The following YJU2 variants were observed in gnomAD, a reference collection of about 807,000 sequenced individuals.
YJU2 encodes splicing factor YJU2.
In YJU2, 28 loss-of-function variants were observed where a neutral mutation model predicts 39.6. That is an observed-to-expected ratio of 0.71 (90% CI 0.52 to 0.97). The LOEUF is 0.97. YJU2 is among the 50% of genes least tolerant of loss of function. The pLI is 0.00. For missense variants in YJU2, 328 were observed against 430.4 expected (o/e 0.76, Z 2.11); for synonymous variants, 184 against 182.4 (o/e 1.01, Z -0.07).
rs1568362363 is a variant in YJU2, at chr19:4,258,254, CG to C, written c.420del (p.Thr141ProfsTer17). 1 of 1,553,132 alleles carries C rather than the reference CG, an allele frequency of 6.4e-7. No individual in the cohort carries two copies. Among genetic ancestry groups the C allele is most frequent in the Non-Finnish European group, 8.7e-7 (1 of 1,147,848 alleles). ...CCGCGCCCGCCAGGTGCTGGAGAAC[CG>C]GACCAAGGACTCCAAGCTGGAGATG... ...LNNPMKVLEN[R>X]TKDSKLEMEV... On this transcript the variant is annotated frameshift_variant, in exon 5 of 8. Transcript: ENST00000262962. LOFTEE classifies it high-confidence loss of function.
At chr19:4,254,312 G>A (rs543434247) in intron 3 of YJU2, 43 bp from the exon 4 acceptor site, 28 of 1,457,838 alleles carry the variant, frequency 1.9e-5, no homozygotes, top group East Asian at 1.6e-4. Flanking sequence ...AGATTCTAGT[G>A]CCTGGGGATG....
At chr19:4,262,463 G>A (rs1373010684) in intron 6 of YJU2, among the ~76,000 whole-genome samples, 1 of 152,044 alleles carries the variant, frequency 6.6e-6, no homozygotes, top group East Asian at 2.0e-4. Context: ...CTCCCAAAGT[G>A]CTGGGATTAC....
rs1568359439 is a variant in YJU2 at position 4,247,574 on chromosome 19, GGGTGGCGC to G, written c.24+406_24+413del. Among the ~76,000 whole-genome samples the G allele has an allele frequency of 4.5e-4, 37 of 81,632 alleles. 4 individuals are homozygous for G. Among genetic ancestry groups the G allele is most frequent in the African/African-American group, 3.9e-3 (33 of 8,438 alleles). 53.6% of individuals were successfully genotyped at this position (81,632 alleles called of 152,430 possible). A position where few individuals can be genotyped will look rare whatever the true frequency, so the allele number is the denominator to read the frequency against. ...CGTGTACTTTGGGTGGGGTGGGGTGGGGTGGCGCGTGTGTGTGTGTGTGTGTGTGTGTG... is the reference window on the plus strand; with the variant it reads ...CGTGTACTTTGGGTGGGGTGGGGTGGGTGTGTGTGTGTGTGTGTGTGTGTG... On this transcript the variant is annotated intron_variant, in intron 1 of 7. Transcript: ENST00000262962.
At chr19:4,251,451 G>A (rs891924251) in intron 3 of YJU2, among the ~76,000 whole-genome samples, 4 of 152,112 alleles carry the variant, frequency 2.6e-5, no homozygotes, top group Admixed American at 6.6e-5. Context: ...CACTTTGGGC[G>A]GCCAAGGCGG....
chr19:4,268,952 G>A lies in YJU2; in HGVS notation c.*256G>A. 2 of 504,710 alleles carry A rather than the reference G, an allele frequency of 4.0e-6. No individual in the cohort carries two copies. The highest frequency in any genetic ancestry group is 5.4e-4 in the Middle Eastern group (1 of 1,868). 31.3% of individuals were successfully genotyped at this position (504,710 alleles called of 1,614,324 possible). ...CCCACCTGTCACTGTGCTTAGGGCT[G>A]CAACATCCCTGGAGCAGCTTCCAAC... On this transcript the variant is annotated 3_prime_UTR_variant, in exon 8 of 8. Coordinates refer to ENST00000262962, the MANE Select transcript of YJU2 (RefSeq NM_018074.6).
Position 4,267,626 on chromosome 19 carries a change from C to A in YJU2, c.711C>A (p.Ala237=), listed in dbSNP as rs928350656. 2 of 1,612,138 alleles carry A rather than the reference C, an allele frequency of 1.2e-6. No individual in the cohort carries two copies. The highest frequency in any genetic ancestry group is 1.7e-6 in the Non-Finnish European group (2 of 1,179,458). The stretch of plus-strand genomic sequence containing the variant: ...ACATGTGTCCCCATCACCTGCAGGC[C>A]CCAAAGCCCAAGAGGAAGGTGGAGG... The part of the protein sequence containing the change: ...RPNPTAILDE[A]PKPKRKVEVW... Residue 237 remains alanine, a splice_region_variant and synonymous_variant, in exon 7 of 8, where the codon GCC becomes GCA. Coordinates refer to ENST00000262962, the MANE Select transcript of YJU2 (RefSeq NM_018074.6).
rs774051637 is a variant in YJU2 at position 4,267,753 on chromosome 19, C to A, written c.838C>A (p.Pro280Thr). ...KADPDCSNGQPQAAPTPGAPQ... is the reference protein window; with the variant it reads ...KADPDCSNGQTQAAPTPGAPQ... ...CGACCCGGACTGCAGCAACGGGCAGCCTCAGGCGGCCCCCACCCCAGGTAA... is the reference window on the plus strand; with the variant it reads ...CGACCCGGACTGCAGCAACGGGCAGACTCAGGCGGCCCCCACCCCAGGTAA... The change falls in exon 7 of 8, where the codon CCT becomes ACT. Residue 280 changes from proline (P) to threonine (T), a missense_variant. Physicochemically the swap from Pro to Thr is conservative, Grantham distance 38. Around this residue, in one of 2 missense-constraint regions of YJU2, gnomAD observed 244 missense variants for 264.6 expected, o/e 0.92. Transcript: ENST00000262962. The A allele has an allele frequency of 1.2e-6, 2 of 1,612,450 alleles. No homozygotes were observed. Among genetic ancestry groups the A allele is most frequent in the Non-Finnish European group, 1.7e-6 (2 of 1,179,596 alleles).
At chr19:4,258,446 C>G (rs1305170114) in intron 5 of YJU2, 23 bp downstream of exon 5, 4 of 1,561,840 alleles carry the variant, frequency 2.6e-6, no homozygotes, top group Non-Finnish European at 3.5e-6. Context: ...CGGCCCAACC[C>G]AGCCCCACCT....
At chr19:4,250,959 G>T (rs556766303) in intron 2 of YJU2, 68 bp from the exon 3 acceptor site, 2 of 1,558,034 alleles carry the variant, frequency 1.3e-6, no homozygotes, top group South Asian at 1.1e-5. Flanking sequence ...GCAGGATGCC[G>T]CAGGGACAGC....
Position 4,252,509 on chromosome 19 carries a change from CAA to C in YJU2, c.270+1339_270+1340del, listed in dbSNP as rs927509001. ...GTCCCAGCTACTCGGGAGGCTGAGA[CAA>C]GAGAATGGCGTGAACCCAGGAGGCG... On this transcript the variant is annotated intron_variant, in intron 3 of 7. Transcript: ENST00000262962. Among the ~76,000 whole-genome samples, 22 of 152,114 alleles carry C rather than the reference CAA, an allele frequency of 1.4e-4. 1 individual carries two copies. The highest frequency in any genetic ancestry group is 4.1e-4 in the African/African-American group (17 of 41,508).
Position 4,258,383 on chromosome 19 carries a change from C to A in YJU2, c.547C>A (p.Arg183=). 1 of 1,597,202 alleles carries A rather than the reference C, an allele frequency of 6.3e-7. No homozygotes were observed. The highest frequency in any genetic ancestry group is 1.8e-5 in the Admixed American group (1 of 57,004). Residue 183 remains arginine, a synonymous_variant, in exon 5 of 8, where the codon CGG becomes AGG. Transcript: ENST00000262962. ...GCAGCACCGCCTGTCGGAGGAGGAG[C>A]GGCGGAGGCAGCAGCAGGAGGAGGA... The part of the protein sequence containing the change: ...LRQHRLSEEE[R]RRQQQEEDEQ...
intron 5 of YJU2, among the ~76,000 whole-genome samples, chr19:4,260,262 A>G (rs1241964748): frequency 1.3e-5 from 2 of 151,766 alleles, no homozygotes; most frequent in South Asian, 2.1e-4. Context: ...CATCTGTACT[A>G]AAAATACAAA....
chr19:4,254,823 C>T (rs10408819), intron 4 of YJU2, among the ~76,000 whole-genome samples: 3,118 of 151,760 alleles, frequency 0.021, 71 homozygotes, highest in African/African-American at 0.053. Flanking sequence ...TTTTGGAGGC[C>T]GAAGTGGGTG....
Position 4,258,236 on chromosome 19 carries a change from C to T in YJU2, c.406-6C>T, listed in dbSNP as rs145422361. 2.1e-4 allele frequency: 319 copies of T among 1,551,178 alleles called. No homozygotes were observed. Among genetic ancestry groups the T allele is most frequent in the Admixed American group, 3.9e-4 (20 of 50,982 alleles). ...GCACTCAGCCCCGCCGCCCCGCGCCCGCCAGGTGCTGGAGAACCGGACCAA... is the reference window on the plus strand; with the variant it reads ...GCACTCAGCCCCGCCGCCCCGCGCCTGCCAGGTGCTGGAGAACCGGACCAA... On this transcript the variant is annotated splice_region_variant and splice_polypyrimidine_tract_variant and intron_variant, in intron 4 of 7. Transcript: ENST00000262962.
chr19:4,256,464 C>G (rs969858716), intron 4 of YJU2, among the ~76,000 whole-genome samples: 1 of 152,016 alleles, frequency 6.6e-6, no homozygotes, highest in Non-Finnish European at 1.5e-5. Context: ...CTGGGCCTGT[C>G]GCACTGCTGT....
At position 4,247,639 on chromosome 19, in the gene YJU2, GTGTGTGTGTGTGTGTGTGTGT is replaced by G. The variant is rs1568359639; in HGVS notation, c.24+470_24+490del. Among the ~76,000 whole-genome samples, 206 of 66,694 alleles carry G rather than the reference GTGTGTGTGTGTGTGTGTGTGT, an allele frequency of 3.1e-3. 23 individuals are homozygous for G. The highest frequency in any genetic ancestry group is 9.7e-3 in the African/African-American group (115 of 11,874). 43.8% of individuals were successfully genotyped at this position (66,694 alleles called of 152,430 possible). On this transcript the variant is annotated intron_variant, in intron 1 of 7. Transcript: ENST00000262962. ...TGTGTGTGTGTGTGTGTGTGTGTGTGTGTGTGTGTGTGTGTGTGTGTGTGTGTGTGTGTGTGTGTGTGTGTG... is the reference window on the plus strand; with the variant it reads ...TGTGTGTGTGTGTGTGTGTGTGTGTGGTGTGTGTGTGTGTGTGTGTGTGTG...
intron 2 of YJU2, 100 bp from the exon 3 acceptor site, chr19:4,250,927 G>T: frequency 7.3e-7 from 1 of 1,375,706 alleles, no homozygotes; most frequent in East Asian, 2.5e-5. Flanking sequence ...CCCGTTGCTG[G>T]AGGCAAGCAA....
chr19:4,261,103 A>G (rs575783894), intron 5 of YJU2, among the ~76,000 whole-genome samples: 3 of 152,270 alleles, frequency 2.0e-5, no homozygotes, highest in Non-Finnish European at 4.4e-5. Context: ...TGTGTTGCCC[A>G]GGCTGGTCTC....
In YJU2 at chr19:4,262,301, C is replaced by A. The variant is rs376061837; in HGVS notation, c.708+187C>A. Among the ~76,000 whole-genome samples, 21 of 152,238 alleles carry A rather than the reference C, an allele frequency of 1.4e-4. No homozygotes were observed. In the East Asian group the frequency reaches 3.1e-3, roughly 22 times the overall value. On this transcript the variant is annotated intron_variant, in intron 6 of 7. Transcript: ENST00000262962. ...GCAACCTCTGCCTCCCAGGTTCAAG[C>A]GATTCTCCTGCCTCAGCCTCCCGAG...
Sources: gnomAD v4.1 joint callset for allele counts (sites outside exome capture counted in the v4.1 genomes callset) on GRCh38, gnomAD v4.1.1 for gene constraint, gnomAD v4.1.1 regional missense constraint, MANE v1.5 for transcripts, NCBI Gene and HGNC (gene_info 2026-07-23, HGNC 2026-07-21) for gene names.